The following RNF185 variants were observed in gnomAD, a reference collection of about 807,000 sequenced individuals.
RNF185 encodes E3 ubiquitin-protein ligase RNF185.
In RNF185, 13 loss-of-function variants were observed where a neutral mutation model predicts 24.9. The observed-to-expected ratio is 0.52, with a 90% CI of 0.34 to 0.83. RNF185 has a LOEUF of 0.83. RNF185 is among the 40% of genes least tolerant of loss of function. The pLI is 0.01. For synonymous variants in RNF185, 79 were observed against 90.3 expected, an observed-to-expected ratio of 0.88 and a Z score of 0.71; for missense variants, 184 against 244.7, an observed-to-expected ratio of 0.75 and a Z score of 1.65.
intron 5 of RNF185, among the ~76,000 whole-genome samples, chr22:31,197,643 C>T (rs985039321): frequency 6.6e-6 from 1 of 152,200 alleles, no homozygotes; most frequent in East Asian, 1.9e-4. Flanking sequence ...GTAGCCTCGA[C>T]CTCCTGGGCT....
intron 1 of RNF185, among the ~76,000 whole-genome samples, chr22:31,185,285 G>A (rs761177083): frequency 6.6e-5 from 10 of 152,158 alleles, no homozygotes; most frequent in Non-Finnish European, 8.8e-5. Context: ...AGCTGGTATC[G>A]TGGTGAGGGA....
chr22:31,174,308 G>A (rs553919042), intron 1 of RNF185, among the ~76,000 whole-genome samples: 2 of 152,270 alleles, frequency 1.3e-5, no homozygotes, highest in African/African-American at 4.8e-5. Flanking sequence ...ATGACAAAAG[G>A]CAACTTCTTA....
In RNF185 at chr22:31,205,888, T is replaced by C. The variant is rs2048309826; in HGVS notation, c.*1302T>C. 1 of 152,906 alleles carries C rather than the reference T, an allele frequency of 6.5e-6. No homozygotes were observed. The highest frequency in any genetic ancestry group is 2.1e-4 in the South Asian group (1 of 4,852). 9.5% of individuals were successfully genotyped at this position (152,906 alleles called of 1,614,324 possible). The stretch of plus-strand genomic sequence containing the variant: ...TGATTTGATTTTCAGTTTCATAAGC[T>C]TCTTCCTCTGAATCTTATTGAGGGA... On this transcript the variant is annotated 3_prime_UTR_variant, in exon 7 of 7. Coordinates refer to ENST00000326132, the MANE Select transcript of RNF185 (RefSeq NM_152267.4).
chr22:31,181,930 C>T (rs1219354653), intron 1 of RNF185, among the ~76,000 whole-genome samples: 1 of 151,666 alleles, frequency 6.6e-6, no homozygotes, highest in African/African-American at 2.4e-5. Context: ...GTGCAGCACA[C>T]CAACATAGCA....
chr22:31,189,135 ATGTGTGTGTG>A (rs202051750), intron 2 of RNF185, among the ~76,000 whole-genome samples: 19 of 136,870 alleles, frequency 1.4e-4, no homozygotes, highest in Admixed American at 8.2e-4. Context: ...CAAAAAAAAA[ATGTGTGTGTG>A]TGTGTGTGTG....
rs972799631 is a variant in RNF185, at chr22:31,187,033, T to C, written c.-48-14T>C. 125 of 1,540,116 alleles carry C rather than the reference T, an allele frequency of 8.1e-5. No homozygotes were observed. Among genetic ancestry groups the C allele is most frequent in the Non-Finnish European group, 9.5e-5 (108 of 1,140,870 alleles). ...GCTGCAGAAATGGACAGTCAAGAGT[T>C]CTCTGCCTTTTAGGATTTCCCTGGG... is the stretch of plus-strand genomic sequence containing the variant. On this transcript the variant is annotated splice_polypyrimidine_tract_variant and intron_variant, in intron 1 of 6. Coordinates refer to ENST00000326132, the MANE Select transcript of RNF185 (RefSeq NM_152267.4).
At chr22:31,166,090 C>T (rs1167110770) in intron 1 of RNF185, among the ~76,000 whole-genome samples, 1 of 152,142 alleles carries the variant, frequency 6.6e-6, no homozygotes, top group African/African-American at 2.4e-5. Context: ...CTCCCAGATT[C>T]AAGCAATTCT....
At chr22:31,181,812 C>T (rs1374818762) in intron 1 of RNF185, among the ~76,000 whole-genome samples, 2 of 148,274 alleles carry the variant, frequency 1.3e-5, no homozygotes, top group Non-Finnish European at 3.0e-5. Context: ...AACGAGAACA[C>T]TTGGACACAG....
At chr22:31,165,620 A>G (rs1923872644) in intron 1 of RNF185, among the ~76,000 whole-genome samples, 1 of 152,230 alleles carries the variant, frequency 6.6e-6, no homozygotes, top group African/African-American at 2.4e-5. Flanking sequence ...ATTTGAGGCT[A>G]CTGACCATGC....
chr22:31,182,076 CATT>C (rs1254223377), intron 1 of RNF185, among the ~76,000 whole-genome samples: 1 of 146,678 alleles, frequency 6.8e-6, no homozygotes, highest in Non-Finnish European at 1.5e-5. Flanking sequence ...AACACAATAT[CATT>C]ATTATACCCA....
At chr22:31,195,812 CT>C (rs1227784890) in intron 4 of RNF185, among the ~76,000 whole-genome samples, 1 of 152,210 alleles carries the variant, frequency 6.6e-6, no homozygotes, top group Non-Finnish European at 1.5e-5. Context: ...GTGCAGAGCC[CT>C]GTGAAAGAGC....
chr22:31,187,922 TG>T (rs1189231010), intron 2 of RNF185, among the ~76,000 whole-genome samples: 5 of 74,738 alleles, frequency 6.7e-5, no homozygotes, highest in Middle Eastern at 6.0e-3. Flanking sequence ...TTTGGTTTTT[TG>T]TGTGTGTGTG....
intron 2 of RNF185, 49 bp downstream of exon 2, chr22:31,187,319 A>G (rs1409957541): frequency 6.2e-7 from 1 of 1,604,482 alleles, no homozygotes; most frequent in East Asian, 2.2e-5. Context: ...AAGTTTGGAA[A>G]GCCTGTGGCC....
chr22:31,184,587 C>T lies in RNF185; in HGVS notation c.-48-2460C>T, dbSNP rs542730185. 8.5e-5 allele frequency among the ~76,000 whole-genome samples: 13 copies of T among 152,202 alleles called. 1 individual carries two copies. The South Asian group carries it at 2.1e-3, about 24-fold the overall frequency. ...GGCGGCTGGGAGGTGGAGGTTGTAG[C>T]GATCCGAGATCACGCCACTGCACTC... On this transcript the variant is annotated intron_variant, in intron 1 of 6. Transcript: ENST00000326132.
intron 1 of RNF185, among the ~76,000 whole-genome samples, chr22:31,167,902 C>T (rs1025511820): frequency 2.6e-5 from 4 of 152,032 alleles, no homozygotes; most frequent in African/African-American, 4.8e-5. Context: ...CATGAGCCAC[C>T]GTACCTGGGC....
At position 31,205,401 on chromosome 22, in the gene RNF185, C is replaced by T. The variant is rs71331283; in HGVS notation, c.*815C>T. On this transcript the variant is annotated 3_prime_UTR_variant, in exon 7 of 7. Transcript: ENST00000326132. ...GAGAACATACAGCCGAGAATACTGC[C>T]GAAGCTGAGACTGACTACTGTGCAT... 3 of 165,452 alleles carry T rather than the reference C, an allele frequency of 1.8e-5. No individual in the cohort carries two copies. Among genetic ancestry groups the T allele is most frequent in the Non-Finnish European group, 4.4e-5 (3 of 68,104 alleles). 10.2% of individuals were successfully genotyped at this position (165,452 alleles called of 1,614,324 possible).
chr22:31,184,133 G>A (rs1437152384), intron 1 of RNF185, among the ~76,000 whole-genome samples: 5 of 151,704 alleles, frequency 3.3e-5, no homozygotes, highest in East Asian at 2.0e-4. Flanking sequence ...GGCAGCTGCC[G>A]GGCAGAGACG....
At chr22:31,164,654 T>C (rs1394407415) in intron 1 of RNF185, among the ~76,000 whole-genome samples, 1 of 147,892 alleles carries the variant, frequency 6.8e-6, no homozygotes, top group African/African-American at 2.5e-5. Context: ...AGTGGCATGA[T>C]CTCAGCTAAC....
At chr22:31,194,090 G>A (rs1399016921) in intron 3 of RNF185, among the ~76,000 whole-genome samples, 1 of 151,418 alleles carries the variant, frequency 6.6e-6, no homozygotes, top group African/African-American at 2.4e-5. Flanking sequence ...AGACAACGGA[G>A]TTTCACCATG....
Sources: allele counts gnomAD v4.1 joint callset (sites outside exome capture counted in the v4.1 genomes callset), GRCh38; gene constraint gnomAD v4.1.1; transcripts MANE v1.5; gene names NCBI Gene and HGNC (gene_info 2026-07-23, HGNC 2026-07-21).